Variants in USB1 observed in about 807,000 individuals in gnomAD.
The protein encoded by USB1 is U6 snRNA biogenesis phosphodiesterase 1, also known as U6 snRNA phosphodiesterase 1.
USB1 carries 21 observed loss-of-function variants against 29.9 expected under a neutral mutation model. The ratio of observed to expected loss-of-function variants is 0.70; its 90% confidence interval spans 0.50 to 1.01. The LOEUF (loss-of-function observed/expected upper bound fraction) is 1.01. Ranked by LOEUF, USB1 falls within the 50% of genes least tolerant of loss-of-function variation. The probability of loss-of-function intolerance (pLI) is 0.00; values close to 1 mark genes in which losing one functional copy is unlikely to be tolerated. For missense variants in USB1, 330 were observed against 347.1 expected (o/e 0.95, Z 0.39); for synonymous variants, 143 against 134.9 (o/e 1.06, Z -0.42).
intron 2 of USB1, among the ~76,000 whole-genome samples, chr16:58,006,038 C>T (rs968597415): frequency 9.9e-5 from 15 of 152,138 alleles, no homozygotes; most frequent in African/African-American, 3.1e-4. Flanking sequence ...GGATTTTCTC[C>T]GTAGACAATT....
intron 3 of USB1, chr16:58,014,021 G>C: frequency 2.1e-6 from 1 of 482,240 alleles, no homozygotes; most frequent in South Asian, 2.4e-5. Flanking sequence ...TTATCGAAAT[G>C]AACTGCTATT....
intron 3 of USB1, chr16:58,012,772 A>G (rs773541347): frequency 7.2e-5 from 73 of 1,015,576 alleles, no homozygotes; most frequent in Admixed American, 1.1e-4. Context: ...TGACTGGCAC[A>G]CTGCACTTGC....
At position 58,002,275 on chromosome 16, in the gene USB1, G is replaced by A. The variant is rs553995658; in HGVS notation, c.99-204G>A. Among the ~76,000 whole-genome samples, 4 of 152,028 alleles carry A rather than the reference G, an allele frequency of 2.6e-5. 1 individual carries two copies. The South Asian group carries it at 8.7e-4, about 33-fold the overall frequency. On this transcript the variant is annotated intron_variant, in intron 1 of 6. Coordinates refer to ENST00000219281, the MANE Select transcript of USB1 (RefSeq NM_024598.4). ...TGTTGCATGCCCTGTTGTTTCCCAT[G>A]GGGACCTTGTGCCCCAGAGTTGGAG...
At chr16:58,010,565 C>G in intron 3 of USB1, 3 of 263,618 alleles carry the variant, frequency 1.1e-5, no homozygotes, top group South Asian at 9.6e-5. Flanking sequence ...GTGTTGAGCT[C>G]TCAGGTTACC....
chr16:58,000,177 G>A (rs370811333), upstream of USB1, among the ~76,000 whole-genome samples: 2 of 152,240 alleles, frequency 1.3e-5, no homozygotes, highest in African/African-American at 2.4e-5. This position sits in a 1 kb window ranked among gnomAD's most constrained non-coding sequence, Gnocchi z 4.5. Context: ...GCTGCGACCC[G>A]AGGGCGAGCC....
At chr16:58,011,571 T>C (rs535121234) in intron 3 of USB1, 924 of 993,668 alleles carry the variant, frequency 9.3e-4, no homozygotes, top group Non-Finnish European at 1.1e-3. Context: ...CACAGGTGAC[T>C]CCTCTGTCCA....
chr16:58,017,824 A>C (rs1178064971), intron 5 of USB1, among the ~76,000 whole-genome samples: 1 of 152,184 alleles, frequency 6.6e-6, no homozygotes, highest in Non-Finnish European at 1.5e-5. Context: ...CAGGCCCTCC[A>C]AGGGCACTTG....
chr16:58,015,633 T>A (rs986958051), intron 4 of USB1: 1 of 152,118 alleles, frequency 6.6e-6, no homozygotes, highest in African/African-American at 2.4e-5. Context: ...AAACAAGTAA[T>A]GAGAGTGTTT....
intron 2 of USB1, among the ~76,000 whole-genome samples, chr16:58,003,875 A>AT (rs1963292071): frequency 6.6e-6 from 1 of 151,978 alleles, no homozygotes; most frequent in Non-Finnish European, 1.5e-5. Flanking sequence ...TTGCAAATAC[A>AT]TTTTTTTCCC....
rs772999682 is a variant in USB1, at chr16:58,017,398, G to A, written c.568G>A (p.Asp190Asn). ...AQFLDLVSEVDRVMEEFNLTT... is the reference protein window; with the variant it reads ...AQFLDLVSEVNRVMEEFNLTT... ...GTTCCTGGACCTGGTTTCAGAGGTG[G>A]ACAGAGTCATGGAGGAATTCAACCT... Residue 190 changes from aspartate (D) to asparagine (N), a missense_variant, in exon 5 of 7, where the codon GAC becomes AAC. Transcript: ENST00000219281. 3.1e-6 allele frequency: 5 copies of A among 1,614,110 alleles called. No individual in the cohort carries two copies. The African/African-American group carries it at 5.3e-5, about 17-fold the overall frequency.
At chr16:58,010,290 G>A in intron 3 of USB1, 178 bp downstream of exon 3, 2 of 708,954 alleles carry the variant, frequency 2.8e-6, no homozygotes, top group Non-Finnish European at 2.4e-6. Context: ...TGCCGTGGAA[G>A]CTCTTGACAC....
At position 58,013,120 on chromosome 16, in the gene USB1, G is replaced by T. The variant is rs1352320980; in HGVS notation, c.450-1153G>T. 3.0e-6 allele frequency: 3 copies of T among 985,414 alleles called. No homozygotes were observed. Among genetic ancestry groups the T allele is most frequent in the African/African-American group, 1.7e-5 (1 of 57,234 alleles). 61.0% of individuals were successfully genotyped at this position (985,414 alleles called of 1,614,324 possible). ...GAGTGGGCGGTGCACCCCTGATTCT[G>T]TTGCTGTGACTGAGGAAATGCTAAG... On this transcript the variant is annotated intron_variant, in intron 3 of 6. Coordinates refer to ENST00000219281, the MANE Select transcript of USB1 (RefSeq NM_024598.4). This position sits in a 1 kb window ranked among gnomAD's most constrained non-coding sequence, Gnocchi z 4.3.
Position 58,013,365 on chromosome 16 carries a change from T to C in USB1, c.450-908T>C, listed in dbSNP as rs1597052309. On this transcript the variant is annotated intron_variant, in intron 3 of 6. Coordinates refer to ENST00000219281, the MANE Select transcript of USB1 (RefSeq NM_024598.4). The surrounding 1 kb of genome is among the most constrained non-coding windows in gnomAD (Gnocchi z 4.3). ...TTACATTTTCTCCAGAGGCAGAGAGTTGGCTGACTGACTTTTGCCCTTGGG... is the reference window on the plus strand; with the variant it reads ...TTACATTTTCTCCAGAGGCAGAGAGCTGGCTGACTGACTTTTGCCCTTGGG... 4 of 985,434 alleles carry C rather than the reference T, an allele frequency of 4.1e-6. No individual in the cohort carries two copies. Among genetic ancestry groups the C allele is most frequent in the Non-Finnish European group, 4.8e-6 (4 of 829,988 alleles). The allele number at this position is 985,434 out of a possible 1,614,324, so 61.0% of individuals were successfully genotyped here.
intron 2 of USB1, among the ~76,000 whole-genome samples, chr16:58,008,279 C>T (rs937487233): frequency 6.6e-6 from 1 of 152,008 alleles, no homozygotes; most frequent in Admixed American, 6.6e-5. Context: ...TTTCAAACAA[C>T]CAGCTTTTGG....
At chr16:58,014,804 C>A (rs552553966) in intron 4 of USB1, among the ~76,000 whole-genome samples, 182 of 151,764 alleles carry the variant, frequency 1.2e-3, no homozygotes, top group African/African-American at 4.1e-3. Context: ...AGGCCAGGTG[C>A]GGTGGCTCAC....
intron 5 of USB1, 51 bp downstream of exon 5, chr16:58,017,490 A>G: frequency 6.4e-7 from 1 of 1,550,840 alleles, no homozygotes; most frequent in South Asian, 1.1e-5. Context: ...AATGAGAATA[A>G]AACTGTCTTT....
Position 58,002,599 on chromosome 16 carries a change from C to G in USB1, c.219C>G (p.Thr73=). 6.2e-7 allele frequency: 1 copy of G among 1,614,034 alleles called. No individual in the cohort carries two copies. The highest frequency in any genetic ancestry group is 8.5e-7 in the Non-Finnish European group (1 of 1,180,028). The part of the protein sequence containing the change: ...DSTKHGGRVR[T]FPHERGNWAT... ...CAAAACACGGGGGACGGGTGCGCAC[C>G]TTCCCCCACGAGCGAGGCAACTGGG... Residue 73 remains threonine, a synonymous_variant, in exon 2 of 7, where the codon ACC becomes ACG. Transcript: ENST00000219281.
rs375820775 is a variant in USB1 at position 58,020,127 on chromosome 16, G to T, written c.694-14G>T. ...CCCTTAATGTGACTGTCCTCCCCTG[G>T]CTGCTGTTTTAAGGCAATCGTGGAT... On this transcript the variant is annotated splice_polypyrimidine_tract_variant and intron_variant, in intron 6 of 6. Transcript: ENST00000219281. 6.2e-7 allele frequency: 1 copy of T among 1,614,018 alleles called. No individual in the cohort carries two copies. The highest frequency in any genetic ancestry group is 1.1e-5 in the South Asian group (1 of 91,084).
At chr16:58,005,543 A>G (rs58317962) in intron 2 of USB1, among the ~76,000 whole-genome samples, 186 of 152,256 alleles carry the variant, frequency 1.2e-3, no homozygotes, top group African/African-American at 4.3e-3. Context: ...GGTTTTTCCT[A>G]GGTTATGATT....
Sources: allele counts gnomAD v4.1 joint callset (sites outside exome capture counted in the v4.1 genomes callset), GRCh38; gene constraint gnomAD v4.1.1; non-coding constraint Gnocchi (gnomAD v3.1); transcripts MANE v1.5; gene names NCBI Gene and HGNC (gene_info 2026-07-23, HGNC 2026-07-21).